Variants in TRPC5 observed in about 807,000 individuals in gnomAD.
TRPC5 encodes transient receptor potential cation channel subfamily C member 5, also known as short transient receptor potential channel 5.
Under a neutral mutation model 56.5 loss-of-function variants are expected in TRPC5, and 9 were observed. The observed-to-expected ratio is 0.16, with a 90% CI of 0.10 to 0.28. The LOEUF is 0.28. Among genes scored for constraint, TRPC5 ranks in the 10% least tolerant of loss-of-function variants. The probability of loss-of-function intolerance (pLI) is 1.00; values close to 1 mark genes in which losing one functional copy is unlikely to be tolerated. For missense variants in TRPC5, 469 were observed against 748.9 expected (o/e 0.63, Z 4.36); for synonymous variants, 282 against 278.5 (o/e 1.01, Z -0.13).
At chrX:111,982,267 G>T (rs976592422) in intron 1 of TRPC5, among the ~76,000 whole-genome samples, 2 of 111,874 alleles carry the variant, frequency 1.8e-5, no homozygotes, top group East Asian at 2.8e-4. Flanking sequence ...GAAGAAATAC[G>T]CATGATAATT....
chrX:111,985,863 T>C (rs1344697161), intron 1 of TRPC5, among the ~76,000 whole-genome samples: 2 of 111,839 alleles, frequency 1.8e-5, no homozygotes, highest in Non-Finnish European at 3.8e-5. Context: ...TCTTTGGCAG[T>C]TGAGTGCTGC....
At chrX:111,845,767 G>A (rs1219597118) in intron 6 of TRPC5, among the ~76,000 whole-genome samples, 2 of 111,967 alleles carry the variant, frequency 1.8e-5, no homozygotes, top group South Asian at 3.8e-4. Flanking sequence ...AGGCACTAGC[G>A]AGCTGATAAG....
intron 9 of TRPC5, among the ~76,000 whole-genome samples, chrX:111,779,408 C>T (rs1032134120): frequency 2.7e-5 from 3 of 111,835 alleles, no homozygotes; most frequent in African/African-American, 3.2e-5. Context: ...CATAGTAAAA[C>T]GAGAGTTTTA....
intron 7 of TRPC5, among the ~76,000 whole-genome samples, chrX:111,782,840 C>CACAT (rs748200066): frequency 2.7e-5 from 3 of 109,785 alleles, no homozygotes; most frequent in East Asian, 5.7e-4. Context: ...CACACACACA[C>CACAT]ATCAGTGTAC....
At chrX:111,833,729 ATGTG>A (rs999017708) in intron 7 of TRPC5, among the ~76,000 whole-genome samples, 1 of 109,259 alleles carries the variant, frequency 9.2e-6, no homozygotes, top group Non-Finnish European at 1.9e-5. Flanking sequence ...ATGTATGGGT[ATGTG>A]TGTGTGTGTG....
intron 1 of TRPC5, among the ~76,000 whole-genome samples, chrX:112,049,509 CATAA>C (rs775404829): frequency 9.5e-6 from 1 of 105,245 alleles, no homozygotes; most frequent in East Asian, 2.9e-4. Flanking sequence ...ATAGATAATA[CATAA>C]ATATATATTT....
At chrX:111,840,326 C>G (rs1347073694) in intron 6 of TRPC5, among the ~76,000 whole-genome samples, 3 of 111,941 alleles carry the variant, frequency 2.7e-5, no homozygotes, top group Non-Finnish European at 5.6e-5. Context: ...CATGCCTGGC[C>G]CATTCCATAT....
chrX:111,795,335 CT>C (rs1020661450), intron 7 of TRPC5, among the ~76,000 whole-genome samples: 1 of 109,595 alleles, frequency 9.1e-6, no homozygotes, highest in African/African-American at 3.3e-5. Flanking sequence ...TTGTTGAGAC[CT>C]TTTTTTTAAA....
At chrX:111,903,761 A>C (rs1299842990) in intron 3 of TRPC5, 2 of 112,051 alleles carry the variant, frequency 1.8e-5, no homozygotes. Context: ...AAAATCAAGG[A>C]AGATAGGCTG....
Position 112,056,552 on chromosome X carries a change from T to C in TRPC5, c.-22+25327A>G, listed in dbSNP as rs180703610. 3.0e-3 allele frequency among the ~76,000 whole-genome samples: 341 copies of C among 112,144 alleles called. 2 individuals carry two copies. Among genetic ancestry groups the C allele is most frequent in the Non-Finnish European group, 5.6e-3 (299 of 53,210 alleles). ...AGCCTCAGTTTCTTCAGTTATAAAATGAAAGGAGTTGAATTAGATGATCTG... is the reference window on the plus strand; with the variant it reads ...AGCCTCAGTTTCTTCAGTTATAAAACGAAAGGAGTTGAATTAGATGATCTG... On this transcript the variant is annotated intron_variant, in intron 1 of 10. Transcript: ENST00000262839.
intron 9 of TRPC5, among the ~76,000 whole-genome samples, chrX:111,780,411 T>C (rs1051699405): frequency 9.0e-6 from 1 of 111,205 alleles, no homozygotes; most frequent in African/African-American, 3.3e-5. Context: ...TGAGGTTAGT[T>C]TCCTCCTGTT....
intron 3 of TRPC5, among the ~76,000 whole-genome samples, chrX:111,891,521 A>G (rs1924803257): frequency 1.8e-5 from 2 of 111,267 alleles, no homozygotes; most frequent in South Asian, 7.6e-4. Context: ...AATCCTTGCT[A>G]CACAGGATTA....
chrX:112,038,518 GTGTTC>G (rs1929808059), intron 1 of TRPC5, among the ~76,000 whole-genome samples: 1 of 111,861 alleles, frequency 8.9e-6, no homozygotes, highest in Non-Finnish European at 1.9e-5. Context: ...TGTGCTGTAG[GTGTTC>G]TGTTATCTTT....
chrX:112,021,813 A>G (rs1929279235), intron 1 of TRPC5, among the ~76,000 whole-genome samples: 1 of 112,599 alleles, frequency 8.9e-6, no homozygotes, highest in African/African-American at 3.2e-5. Context: ...GAACACTGGG[A>G]GGCAAGATCA....
intron 7 of TRPC5, among the ~76,000 whole-genome samples, chrX:111,807,954 C>CTGTGTGTGTGTG (rs1158422740): frequency 3.9e-4 from 33 of 85,393 alleles, no homozygotes; most frequent in African/African-American, 2.4e-3. Flanking sequence ...CTCTCTCTCT[C>CTGTGTGTGTGTG]TCTGTGTGTG....
At chrX:111,944,303 T>TGTGTGAAAGA (rs1173179815) in intron 2 of TRPC5, among the ~76,000 whole-genome samples, 1 of 61,393 alleles carries the variant, frequency 1.6e-5, no homozygotes, top group Non-Finnish European at 2.8e-5. Flanking sequence ...TGTGTGTGTG[T>TGTGTGAAAGA]GAGAGAGAGA....
chrX:111,932,570 G>A (rs777443225), intron 2 of TRPC5, among the ~76,000 whole-genome samples: 23 of 110,691 alleles, frequency 2.1e-4, no homozygotes, highest in Non-Finnish European at 1.9e-5. Context: ...GTAATCAGTG[G>A]ACCTGGCCCT....
intron 2 of TRPC5, among the ~76,000 whole-genome samples, chrX:111,941,177 T>C (rs1337913338): frequency 8.9e-6 from 1 of 112,226 alleles, no homozygotes; most frequent in Non-Finnish European, 1.9e-5. Flanking sequence ...TCCTTCAATG[T>C]GCCTGTCTCT....
intron 7 of TRPC5, among the ~76,000 whole-genome samples, chrX:111,825,169 TTCTTTCTTTCTTTCTTTC>T (rs1922167834): frequency 2.5e-5 from 2 of 79,156 alleles, no homozygotes; most frequent in African/African-American, 1.1e-4. Context: ...CTTTCTTTCT[TTCTTTCTTTCTTTCTTTC>T]TTTCTTTCTT....
Sources: gnomAD v4.1 joint callset for allele counts (sites outside exome capture counted in the v4.1 genomes callset) on GRCh38, gnomAD v4.1.1 for gene constraint, MANE v1.5 for transcripts, NCBI Gene and HGNC (gene_info 2026-07-23, HGNC 2026-07-21) for gene names.